The following AGBL4 variants were observed in gnomAD, a reference collection of about 807,000 sequenced individuals.
AGBL4 encodes the protein AGBL carboxypeptidase 4.
A neutral mutation model predicts 66.4 loss-of-function variants in AGBL4; 58 were observed. The ratio of observed to expected loss-of-function variants is 0.87; its 90% confidence interval spans 0.71 to 1.09. The LOEUF is 1.09. AGBL4 is among the 50% of genes least tolerant of loss of function. The pLI, the probability that AGBL4 is intolerant of heterozygous loss-of-function variation, is 0.00. For synonymous variants in AGBL4, 234 were observed against 222.9 expected, an observed-to-expected ratio of 1.05 and a Z score of -0.44; for missense variants, 579 against 631.0, an observed-to-expected ratio of 0.92 and a Z score of 0.88.
At chr1:49,606,296 C>G (rs908028542) in intron 3 of AGBL4, among the ~76,000 whole-genome samples, 1 of 152,056 alleles carries the variant, frequency 6.6e-6, no homozygotes, top group Non-Finnish European at 1.5e-5. Flanking sequence ...CAGAGGTGGT[C>G]AAGTCATCCA....
intron 5 of AGBL4, among the ~76,000 whole-genome samples, chr1:48,936,161 A>G (rs889313671): frequency 6.6e-6 from 1 of 151,034 alleles, no homozygotes; most frequent in South Asian, 2.1e-4. Context: ...ATGGTGGTGC[A>G]TGCCTGTAGT....
At position 48,694,186 on chromosome 1, in the gene AGBL4, C is replaced by T. The variant is rs9660052; in HGVS notation, c.635-30945G>A. Among the ~76,000 whole-genome samples the T allele has an allele frequency of 7.3e-3, 1,115 of 152,030 alleles. 17 individuals are homozygous for T. The highest frequency in any genetic ancestry group is 0.023 in the African/African-American group (951 of 41,452). On this transcript the variant is annotated intron_variant, in intron 6 of 13. Transcript: ENST00000371839. Reference sequence around the variant, plus strand: ...CTCCTAGTCCTGGTGCACAAACGAGCGTACCTCACCCCTTAGGAATCCTAC... The same window carrying T: ...CTCCTAGTCCTGGTGCACAAACGAGTGTACCTCACCCCTTAGGAATCCTAC...
intron 2 of AGBL4, among the ~76,000 whole-genome samples, chr1:49,744,053 A>AT (rs1418767795): frequency 4.0e-5 from 6 of 151,496 alleles, no homozygotes; most frequent in Non-Finnish European, 8.8e-5. Context: ...TTAAAGTATA[A>AT]TAAAAAAAAA....
intron 1 of AGBL4, among the ~76,000 whole-genome samples, chr1:49,870,659 T>A (rs1359581115): frequency 3.3e-5 from 5 of 151,140 alleles, no homozygotes; most frequent in Admixed American, 6.6e-5. Flanking sequence ...GCAAGCCAAT[T>A]CAAAAAAAGG....
intron 5 of AGBL4, among the ~76,000 whole-genome samples, chr1:49,029,569 T>A (rs988189107): frequency 2.0e-5 from 3 of 152,166 alleles, no homozygotes; most frequent in African/African-American, 7.2e-5. Flanking sequence ...CATTCATGCA[T>A]CAGAAAATTA....
intron 11 of AGBL4, among the ~76,000 whole-genome samples, chr1:48,544,052 C>A (rs990083088): frequency 6.6e-6 from 1 of 152,156 alleles, no homozygotes; most frequent in Admixed American, 6.5e-5. Flanking sequence ...CAGGCCAGTG[C>A]CTGATGGGAG....
At chr1:48,991,685 T>G (rs1363858747) in intron 5 of AGBL4, among the ~76,000 whole-genome samples, 1 of 152,092 alleles carries the variant, frequency 6.6e-6, no homozygotes, top group Non-Finnish European at 1.5e-5. Flanking sequence ...TTCTCTCTTT[T>G]GTCTCTTCTG....
intron 6 of AGBL4, among the ~76,000 whole-genome samples, chr1:48,842,075 A>G (rs370809847): frequency 2.6e-5 from 4 of 152,294 alleles, no homozygotes; most frequent in Admixed American, 6.5e-5. Context: ...ACTCAGGGTT[A>G]GCTATGCAAT....
intron 4 of AGBL4, among the ~76,000 whole-genome samples, chr1:49,222,498 T>G (rs1234585605): frequency 1.3e-5 from 2 of 152,328 alleles, no homozygotes; most frequent in East Asian, 3.9e-4. Context: ...AAAGCAAAAT[T>G]TATTCCCTAA....
intron 6 of AGBL4, among the ~76,000 whole-genome samples, chr1:48,787,119 A>G (rs1645428199): frequency 6.6e-6 from 1 of 152,182 alleles, no homozygotes; most frequent in Admixed American, 6.5e-5. Context: ...AGTAAATGGT[A>G]GACACAGGAT....
At chr1:49,895,570 G>A (rs987345930) in intron 1 of AGBL4, among the ~76,000 whole-genome samples, 5 of 152,016 alleles carry the variant, frequency 3.3e-5, no homozygotes, top group Non-Finnish European at 5.9e-5. Context: ...TAAAAAAGTA[G>A]GGAGATAAAG....
chr1:48,992,700 G>A (rs1196037500), intron 5 of AGBL4, among the ~76,000 whole-genome samples: 2 of 152,052 alleles, frequency 1.3e-5, no homozygotes, highest in Admixed American at 6.6e-5. Flanking sequence ...AGCACAAGAT[G>A]AAGTTCTTCC....
intron 2 of AGBL4, among the ~76,000 whole-genome samples, chr1:49,761,871 CA>C (rs1311478036): frequency 6.6e-6 from 1 of 152,182 alleles, no homozygotes; most frequent in African/African-American, 2.4e-5. Context: ...CACCCTTTCC[CA>C]GTCTCTGGTG....
rs369426683 is a variant in AGBL4, at chr1:49,079,018, C to T, written c.378-33218G>A. On this transcript the variant is annotated intron_variant, in intron 4 of 13. Coordinates refer to ENST00000371839, the MANE Select transcript of AGBL4 (RefSeq NM_032785.4). Reference sequence around the variant, plus strand: ...CTTACCACTTGCCCACTCTGTTACACCAGCAATCTTGAAACATAGATATGA... The same window carrying T: ...CTTACCACTTGCCCACTCTGTTACATCAGCAATCTTGAAACATAGATATGA... Among the ~76,000 whole-genome samples, 16 of 152,308 alleles carry T rather than the reference C, an allele frequency of 1.1e-4. No homozygotes were observed. The East Asian group carries it at 2.7e-3, about 26-fold the overall frequency.
intron 5 of AGBL4, among the ~76,000 whole-genome samples, chr1:48,938,272 G>A (rs568528181): frequency 6.6e-6 from 1 of 152,232 alleles, no homozygotes; most frequent in Non-Finnish European, 1.5e-5. Context: ...TCTACTATGT[G>A]CCAGGCTCTG....
chr1:49,934,788 G>C (rs559172290), intron 1 of AGBL4, among the ~76,000 whole-genome samples: 1 of 143,298 alleles, frequency 7.0e-6, no homozygotes, highest in Non-Finnish European at 1.5e-5. Context: ...GTAGAAGAAA[G>C]TAAATAATAA....
At chr1:48,902,268 T>G in intron 5 of AGBL4, among the ~76,000 whole-genome samples, 1 of 152,202 alleles carries the variant, frequency 6.6e-6, no homozygotes, top group East Asian at 1.9e-4. Context: ...ATATTAATTA[T>G]ATCTCAATTA....
Position 48,909,083 on chromosome 1 carries a change from AG to A in AGBL4, c.595-41854del, listed in dbSNP as rs756223776. On this transcript the variant is annotated intron_variant, in intron 5 of 13. Coordinates refer to ENST00000371839, the MANE Select transcript of AGBL4 (RefSeq NM_032785.4). ...AGATTTACCTCTTGCAAATCCTTCC[AG>A]TCCCTTTACATTTGCTGCTTACAAA... Among the ~76,000 whole-genome samples, 15 of 152,292 alleles carry A rather than the reference AG, an allele frequency of 9.8e-5. No homozygotes were observed. The South Asian group carries it at 1.9e-3, about 19-fold the overall frequency.
intron 3 of AGBL4, among the ~76,000 whole-genome samples, chr1:49,540,742 T>C (rs1398210314): frequency 6.6e-6 from 1 of 152,222 alleles, no homozygotes; most frequent in Non-Finnish European, 1.5e-5. Flanking sequence ...TGAATCATAA[T>C]GAATCATTTT....
Sources: gnomAD v4.1 joint callset for allele counts (sites outside exome capture counted in the v4.1 genomes callset) on GRCh38, gnomAD v4.1.1 for gene constraint, MANE v1.5 for transcripts, NCBI Gene and HGNC (gene_info 2026-07-23, HGNC 2026-07-21) for gene names.